ST6GAL1: variants seen among roughly 807,000 people sequenced by gnomAD.
The protein encoded by ST6GAL1 is beta-galactoside alpha-2,6-sialyltransferase 1.
A neutral mutation model predicts 38.0 loss-of-function variants in ST6GAL1; 20 were observed. The ratio of observed to expected loss-of-function variants is 0.53; its 90% CI spans 0.37 to 0.77. ST6GAL1 has a LOEUF of 0.77. Ranked by LOEUF, ST6GAL1 falls within the 30% of genes least tolerant of loss-of-function variation. The pLI is 0.00. For synonymous variants in ST6GAL1, 196 were observed against 188.2 expected, an observed-to-expected ratio of 1.04 and a Z score of -0.34; for missense variants, 432 against 496.4, an observed-to-expected ratio of 0.87 and a Z score of 1.23.
chr3:187,049,577 G>T (rs924835449), intron 4 of ST6GAL1, among the ~76,000 whole-genome samples: 7 of 152,308 alleles, frequency 4.6e-5, no homozygotes, highest in Non-Finnish European at 7.4e-5. Flanking sequence ...CAGGGTCTCC[G>T]CTCATCAGGC....
chr3:187,062,605 C>CACACACACACACACACACAA (rs1553835868), intron 5 of ST6GAL1, among the ~76,000 whole-genome samples: 2 of 149,990 alleles, frequency 1.3e-5, no homozygotes, highest in East Asian at 3.9e-4. Flanking sequence ...CACACACACA[C>CACACACACACACACACACAA]AAAATACTAT....
chr3:186,933,102 G>A (rs991290415), intron 1 of ST6GAL1, among the ~76,000 whole-genome samples: 2 of 152,222 alleles, frequency 1.3e-5, no homozygotes, highest in East Asian at 1.9e-4. Context: ...CTTGTTTGGC[G>A]TGCTTTCCCC....
intron 4 of ST6GAL1, among the ~76,000 whole-genome samples, chr3:187,046,921 T>A (rs1209858279): frequency 6.6e-6 from 1 of 152,206 alleles, no homozygotes; most frequent in Non-Finnish European, 1.5e-5. Context: ...AAATGAGGGA[T>A]GCACCAGATT....
intron 2 of ST6GAL1, among the ~76,000 whole-genome samples, chr3:187,027,226 C>G (rs539644564): frequency 3.9e-5 from 6 of 152,096 alleles, no homozygotes; most frequent in Non-Finnish European, 8.8e-5. Flanking sequence ...AAGTCACTTA[C>G]ACTCCATTTC....
intron 2 of ST6GAL1, among the ~76,000 whole-genome samples, chr3:187,026,713 T>C (rs1384623284): frequency 2.0e-5 from 3 of 152,200 alleles, no homozygotes; most frequent in African/African-American, 7.2e-5. Flanking sequence ...ACCAAATTTT[T>C]TTTCCCAATT....
At chr3:186,976,466 G>A (rs1715524474) in intron 2 of ST6GAL1, among the ~76,000 whole-genome samples, 1 of 151,704 alleles carries the variant, frequency 6.6e-6, no homozygotes, top group Non-Finnish European at 1.5e-5. Context: ...GTCTTGCTCT[G>A]TTGCCTAGGC....
intron 3 of ST6GAL1, 99 bp from the exon 4 acceptor site, chr3:187,042,555 C>A: frequency 8.6e-7 from 1 of 1,161,408 alleles, no homozygotes; most frequent in Non-Finnish European, 1.2e-6. Context: ...GAATTCAAGT[C>A]ACCTCATTTC....
intron 2 of ST6GAL1, among the ~76,000 whole-genome samples, chr3:187,017,457 C>T (rs184706992): frequency 3.3e-5 from 5 of 151,758 alleles, no homozygotes; most frequent in Admixed American, 3.3e-4. Context: ...CTACACCACT[C>T]ACCTTCATGG....
chr3:187,022,638 GCAAGGGAAGAGACATTAATAT>G, intron 2 of ST6GAL1, among the ~76,000 whole-genome samples: 1 of 152,310 alleles, frequency 6.6e-6, no homozygotes, highest in African/African-American at 2.4e-5. Flanking sequence ...GAAAGGCCTA[GCAAGGGAAGAGACATTAATAT>G]CGATTCTCTG....
rs1038305629 is a variant in ST6GAL1, at chr3:186,936,393, G to C, written c.-325+5559G>C. ...AATTAGTTGCTCTGATGTAGTATCA[G>C]TGATTTGTTCCATAAGAACTGAATT... On this transcript the variant is annotated intron_variant, in intron 1 of 7. Transcript: ENST00000169298. Among the ~76,000 whole-genome samples the C allele has an allele frequency of 5.3e-5, 8 of 152,366 alleles. No homozygotes were observed. The East Asian group carries it at 1.3e-3, about 26-fold the overall frequency.
At chr3:186,982,966 G>A (rs1178427660) in intron 2 of ST6GAL1, among the ~76,000 whole-genome samples, 1 of 151,938 alleles carries the variant, frequency 6.6e-6, no homozygotes, top group Non-Finnish European at 1.5e-5. Flanking sequence ...ACAGGCATGA[G>A]CCACCGCGCC....
At chr3:186,930,971 G>C (rs753142604) in intron 1 of ST6GAL1, 137 bp downstream of exon 1, 1 of 153,144 alleles carries the variant, frequency 6.5e-6, no homozygotes, top group South Asian at 2.1e-4. Context: ...CTCCAGCTCC[G>C]CCTCAGCTGC....
chr3:186,949,993 T>G (rs976192860), intron 1 of ST6GAL1, among the ~76,000 whole-genome samples: 3 of 152,202 alleles, frequency 2.0e-5, no homozygotes, highest in African/African-American at 7.2e-5. Context: ...GATGGGCCAC[T>G]TTGCTAGGGG....
At position 187,025,146 on chromosome 3, in the gene ST6GAL1, C is replaced by T. The variant is rs866296783; in HGVS notation, c.-182-13596C>T. Among the ~76,000 whole-genome samples, 9 of 152,040 alleles carry T rather than the reference C, an allele frequency of 5.9e-5. No individual in the cohort carries two copies. In the South Asian group the frequency reaches 1.7e-3, roughly 28 times the overall value. ...TCGATGCCATGGGAGTTAGTTGATG[C>T]GTTGCATACAATGGAGGTCTTAGGA... On this transcript the variant is annotated intron_variant, in intron 2 of 7. Transcript: ENST00000169298.
At chr3:186,961,960 A>G (rs563631989) in intron 1 of ST6GAL1, among the ~76,000 whole-genome samples, 162 of 152,286 alleles carry the variant, frequency 1.1e-3, no homozygotes, top group African/African-American at 3.5e-3. Context: ...CCACTAGCTC[A>G]GCTGTTTGCC....
At chr3:186,935,277 C>T (rs536248948) in intron 1 of ST6GAL1, among the ~76,000 whole-genome samples, 10 of 152,256 alleles carry the variant, frequency 6.6e-5, no homozygotes, top group Admixed American at 6.5e-4. Flanking sequence ...TCTGCTCCTG[C>T]ATTAGTTTGC....
At chr3:187,057,151 A>G (rs182401209) in intron 5 of ST6GAL1, among the ~76,000 whole-genome samples, 1 of 152,254 alleles carries the variant, frequency 6.6e-6, no homozygotes, top group Admixed American at 6.5e-5. Context: ...TTTCAGCTCC[A>G]TCAGGTCATT....
At chr3:186,975,941 A>G (rs914188563) in intron 2 of ST6GAL1, among the ~76,000 whole-genome samples, 1 of 152,134 alleles carries the variant, frequency 6.6e-6, no homozygotes, top group African/African-American at 2.4e-5. Flanking sequence ...CAAGTGTGGG[A>G]CTGTTTCTTC....
intron 1 of ST6GAL1, among the ~76,000 whole-genome samples, chr3:186,961,033 ATCTCG>A (rs1714919161): frequency 7.0e-6 from 1 of 142,128 alleles, no homozygotes; most frequent in South Asian, 2.2e-4. Flanking sequence ...GCAGTGATTG[ATCTCG>A]GCTCACTGCA....
Sources: gnomAD v4.1 joint callset for allele counts (sites outside exome capture counted in the v4.1 genomes callset) on GRCh38, gnomAD v4.1.1 for gene constraint, MANE v1.5 for transcripts, NCBI Gene and HGNC (gene_info 2026-07-23, HGNC 2026-07-21) for gene names.